The following SATB1 variants were observed in gnomAD, a reference collection of about 807,000 sequenced individuals.
The protein encoded by SATB1 is SATB homeobox 1.
SATB1 carries 11 observed loss-of-function variants against 86.9 expected under a neutral mutation model. The observed-to-expected ratio is 0.13, with a 90% confidence interval of 0.08 to 0.21. The LOEUF (loss-of-function observed/expected upper bound fraction) is 0.21. SATB1 is among the 10% of genes least tolerant of loss of function. The pLI, the probability that SATB1 is intolerant of heterozygous loss-of-function variation, is 1.00. For missense variants in SATB1, 551 were observed against 937.6 expected (o/e 0.59, Z 5.39); for synonymous variants, 357 against 357.2 (o/e 1.00, Z 0.01).
In SATB1 at chr3:18,417,068, C is replaced by T; in HGVS notation, c.222G>A (p.Leu74=). The change falls in exon 3 of 11, where the codon CTG becomes CTA. Residue 74 remains leucine (L), a synonymous_variant. Coordinates refer to ENST00000338745, the MANE Select transcript of SATB1 (RefSeq NM_002971.6). ...AATGTTCCACCACACAGAAAACTGG[C>T]AGCATGGTTCCTATCAAAAAGATGA... ...MKTNLRKGTM[L]PVFCVVEHYE... 1 of 1,611,978 alleles carries T rather than the reference C, an allele frequency of 6.2e-7. No individual in the cohort carries two copies. Among genetic ancestry groups the T allele is most frequent in the African/African-American group, 1.3e-5 (1 of 74,858 alleles).
chr3:18,394,336 T>C lies in SATB1; in HGVS notation c.1206+126A>G, dbSNP rs1042990462. 4 of 786,472 alleles carry C rather than the reference T, an allele frequency of 5.1e-6. No individual in the cohort carries two copies. The African/African-American group carries it at 7.0e-5, about 14-fold the overall frequency. 48.7% of individuals were successfully genotyped at this position (786,472 alleles called of 1,614,324 possible). Reference sequence around the variant, plus strand: ...TTGAGGCTCCACCAGGAATAGGTAATATGATCACATGAAGAGAGAGAGAAA... The same window carrying C: ...TTGAGGCTCCACCAGGAATAGGTAACATGATCACATGAAGAGAGAGAGAAA... On this transcript the variant is annotated intron_variant, in intron 7 of 10. Transcript: ENST00000338745. The surrounding 1 kb of genome is among the most constrained non-coding windows in gnomAD (Gnocchi z 5.9).
intron 1 of SATB1, among the ~76,000 whole-genome samples, chr3:18,421,898 T>C (rs1304763641): frequency 6.6e-6 from 1 of 150,498 alleles, no homozygotes; most frequent in Non-Finnish European, 1.5e-5. Context: ...AAACAAAATA[T>C]CCAGTATTCA....
At chr3:18,433,806 C>T (rs979372459) in intron 2 of SATB1, among the ~76,000 whole-genome samples, 1 of 151,830 alleles carries the variant, frequency 6.6e-6, no homozygotes, top group Non-Finnish European at 1.5e-5. Context: ...TTAATGTGTT[C>T]ATTTAAAAAT....
intron 1 of SATB1, 39 bp from the exon 2 acceptor site, chr3:18,421,030 G>C: frequency 2.1e-6 from 3 of 1,442,700 alleles, no homozygotes; most frequent in Non-Finnish European, 2.9e-6. Context: ...ATAGTTGGGC[G>C]GGGACCTACG....
In SATB1 at chr3:18,349,569, C is replaced by T; in HGVS notation, c.1893G>A (p.Val631=). Residue 631 remains valine (V), a synonymous_variant, in exon 11 of 11, where the codon GTG becomes GTA. Coordinates refer to ENST00000338745, the MANE Select transcript of SATB1 (RefSeq NM_002971.6). The surrounding 1 kb of genome is among the most constrained non-coding windows in gnomAD (Gnocchi z 5.5). ...GPRLPPRQPT[V]ASPAESDEEN... ...CCTCATCTGACTCTGCTGGAGAGGC[C>T]ACCGTGGGTTGCCGTGGGGGGAGCC... 1 of 1,613,882 alleles carries T rather than the reference C, an allele frequency of 6.2e-7. No individual in the cohort carries two copies.
chr3:18,389,422 T>C (rs1321495316), intron 7 of SATB1, among the ~76,000 whole-genome samples: 1 of 152,038 alleles, frequency 6.6e-6, no homozygotes, highest in Non-Finnish European at 1.5e-5. Context: ...TGCTATCAGA[T>C]CCCAGATATG....
In SATB1 at chr3:18,348,964, TG is replaced by T; in HGVS notation, c.*205del. The T allele has an allele frequency of 1.3e-6, 1 of 779,768 alleles. No individual in the cohort carries two copies. The highest frequency in any genetic ancestry group is 2.0e-6 in the Non-Finnish European group (1 of 511,090). The allele number at this position is 779,768 out of a possible 1,614,324, so 48.3% of individuals were successfully genotyped here. A position where few individuals can be genotyped will look rare whatever the true frequency, so the allele number is the denominator to read the frequency against. On this transcript the variant is annotated 3_prime_UTR_variant, in exon 11 of 11. Transcript: ENST00000338745. ...ACCAAACAATCCTTGATGCTTCACCTGGGGCTGCCAAGCAGTTTGTAAAACA... is the reference window on the plus strand; with the variant it reads ...ACCAAACAATCCTTGATGCTTCACCTGGGCTGCCAAGCAGTTTGTAAAACA...
At chr3:18,361,517 T>C (rs1237903251) in intron 9 of SATB1, among the ~76,000 whole-genome samples, 1 of 152,106 alleles carries the variant, frequency 6.6e-6, no homozygotes, top group Non-Finnish European at 1.5e-5. Context: ...CAGGTTCTCC[T>C]AGGAAGTTTT....
At position 18,348,574 on chromosome 3, in the gene SATB1, A is replaced by G. The variant is rs933348191; in HGVS notation, c.*596T>C. The G allele has an allele frequency of 6.6e-6, 1 of 152,648 alleles. No individual in the cohort carries two copies. The highest frequency in any genetic ancestry group is 2.4e-5 in the African/African-American group (1 of 41,464). The allele number at this position is 152,648 out of a possible 1,614,324, so 9.5% of individuals were successfully genotyped here. A position where few individuals can be genotyped will look rare whatever the true frequency, so the allele number is the denominator to read the frequency against. On this transcript the variant is annotated 3_prime_UTR_variant, in exon 11 of 11. Coordinates refer to ENST00000338745, the MANE Select transcript of SATB1 (RefSeq NM_002971.6). Reference sequence around the variant, plus strand: ...AAAATCATGTAACAATGAGAATGAAAAAAAAGTACAGTGAACTTTTATTTC... The same window carrying G: ...AAAATCATGTAACAATGAGAATGAAGAAAAAGTACAGTGAACTTTTATTTC...
intron 9 of SATB1, among the ~76,000 whole-genome samples, chr3:18,366,165 G>A (rs1321522533): frequency 1.3e-5 from 2 of 151,994 alleles, no homozygotes; most frequent in African/African-American, 2.4e-5. Flanking sequence ...ATTTAAACGC[G>A]ACATTTGGGG....
rs370500680 is a variant in SATB1, at chr3:18,420,877, C to G, written c.91G>C (p.Ala31Pro). ...GGGCTCCCGTTCTGCTCCAGGCGGG[C>G]AATCTTGGCTGGTGGACCCTTCGGA... ...SDPKGPPAKI[A>P]RLEQNGSPLG... Residue 31 changes from alanine to proline, a missense_variant, in exon 2 of 11, where the codon GCC becomes CCC. This residue lies in a region of SATB1 where 153 missense variants were observed against 258.1 expected (regional missense o/e 0.59). Coordinates refer to ENST00000338745, the MANE Select transcript of SATB1 (RefSeq NM_002971.6). The G allele has an allele frequency of 1.2e-6, 2 of 1,614,194 alleles. No individual in the cohort carries two copies. The highest frequency in any genetic ancestry group is 1.7e-6 in the Non-Finnish European group (2 of 1,180,022).
rs775316363 is a variant in SATB1, at chr3:18,415,247, T to C, written c.516-13A>G. Reference sequence around the variant, plus strand: ...TAGTTTGGGGCAACTATTTGAGACATAGATTAGAAAGGGGATTATTACAAG... The same window carrying C: ...TAGTTTGGGGCAACTATTTGAGACACAGATTAGAAAGGGGATTATTACAAG... On this transcript the variant is annotated splice_polypyrimidine_tract_variant and intron_variant, in intron 4 of 10. Coordinates refer to ENST00000338745, the MANE Select transcript of SATB1 (RefSeq NM_002971.6). 31 of 1,612,118 alleles carry C rather than the reference T, an allele frequency of 1.9e-5. No individual in the cohort carries two copies. Among genetic ancestry groups the C allele is most frequent in the African/African-American group, 2.7e-5 (2 of 74,788 alleles).
chr3:18,397,076 C>A, intron 6 of SATB1, 103 bp downstream of exon 6: 1 of 720,898 alleles, frequency 1.4e-6, no homozygotes. Context: ...AAATTGATCT[C>A]TAATTGGGCA....
chr3:18,367,734 CCT>C (rs908553064), intron 9 of SATB1, among the ~76,000 whole-genome samples: 2 of 152,132 alleles, frequency 1.3e-5, no homozygotes, highest in African/African-American at 2.4e-5. Flanking sequence ...ACTTTTTTCC[CCT>C]CTCTTTTCTG....
chr3:18,417,432 G>T (rs994084834), intron 2 of SATB1: 6 of 584,578 alleles, frequency 1.0e-5, no homozygotes, highest in African/African-American at 1.9e-5. Flanking sequence ...GCTATGAGTA[G>T]TATACAGTAT....
At position 18,351,972 on chromosome 3, in the gene SATB1, A is replaced by G. The variant is rs1462546597; in HGVS notation, c.1779+20T>C. 1 of 1,589,898 alleles carries G rather than the reference A, an allele frequency of 6.3e-7. No individual in the cohort carries two copies. Among genetic ancestry groups the G allele is most frequent in the Admixed American group, 1.7e-5 (1 of 59,946 alleles). ...CTTTATTTACTTATTGCTATACTGAATTGGCCAAAGTAAACGAACCTGAAT... is the reference window on the plus strand; with the variant it reads ...CTTTATTTACTTATTGCTATACTGAGTTGGCCAAAGTAAACGAACCTGAAT... On this transcript the variant is annotated intron_variant, in intron 10 of 10. Transcript: ENST00000338745.
intron 2 of SATB1, chr3:18,417,597 C>G: frequency 1.5e-6 from 1 of 671,184 alleles, no homozygotes. Context: ...TTAACTCTAA[C>G]TGGTTCCACA....
At chr3:18,373,566 G>A (rs1178002322) in intron 9 of SATB1, among the ~76,000 whole-genome samples, 1 of 152,106 alleles carries the variant, frequency 6.6e-6, no homozygotes, top group Admixed American at 6.6e-5. Flanking sequence ...TTTGCGACAC[G>A]TGTCTTACTT....
chr3:18,413,836 A>G (rs1697989218), intron 5 of SATB1, among the ~76,000 whole-genome samples: 1 of 152,114 alleles, frequency 6.6e-6, no homozygotes, highest in African/African-American at 2.4e-5. Context: ...ATTATAAACA[A>G]TTCATTTGCT....
Sources: gnomAD v4.1 joint callset for allele counts (sites outside exome capture counted in the v4.1 genomes callset) on GRCh38, gnomAD v4.1.1 for gene constraint, gnomAD v4.1.1 regional missense constraint, Gnocchi (gnomAD v3.1) non-coding constraint, MANE v1.5 for transcripts, NCBI Gene and HGNC (gene_info 2026-07-23, HGNC 2026-07-21) for gene names.